DLGAP4: variants seen among roughly 807,000 people sequenced by gnomAD.
The protein encoded by DLGAP4 is disks large-associated protein 4.
In DLGAP4, 18 loss-of-function variants were observed where a neutral mutation model predicts 86.9. The observed-to-expected ratio is 0.21, with a 90% confidence interval of 0.14 to 0.31. The LOEUF (loss-of-function observed/expected upper bound fraction) is 0.31, where lower values mean the gene tolerates loss of function less well. DLGAP4 is among the 10% of genes least tolerant of loss of function. The pLI is 1.00. For missense variants in DLGAP4, 1,085 were observed against 1,362.6 expected (o/e 0.80, Z 3.21); for synonymous variants, 548 against 574.3 (o/e 0.95, Z 0.65).
chr20:36,464,578 G>A lies in DLGAP4; in HGVS notation c.1648+17641G>A, dbSNP rs886589870. Among the ~76,000 whole-genome samples, 19 of 151,784 alleles carry A rather than the reference G, an allele frequency of 1.3e-4. No individual in the cohort carries two copies. In the East Asian group the frequency reaches 2.7e-3, roughly 22 times the overall value. ...AAATGAGACCCTGTCGACCGGGCGC[G>A]CTGGCTCACGCCTGTAATCCCAACA... On this transcript the variant is annotated intron_variant, in intron 7 of 12. Transcript: ENST00000339266.
At chr20:36,420,844 A>G (rs572662305) in intron 2 of DLGAP4, among the ~76,000 whole-genome samples, 4 of 152,254 alleles carry the variant, frequency 2.6e-5, no homozygotes, top group African/African-American at 9.6e-5. Flanking sequence ...GTGGTGGCGC[A>G]TGCCTGTAAT....
intron 10 of DLGAP4, chr20:36,508,022 G>A (rs1885735450): frequency 6.6e-6 from 1 of 152,298 alleles, no homozygotes; most frequent in Non-Finnish European, 1.5e-5. Context: ...AGTGTGTGTT[G>A]AACCCTGAGG....
In DLGAP4 at chr20:36,431,024, G is replaced by A. The variant is rs2033115287; in HGVS notation, c.-72-622G>A. On this transcript the variant is annotated intron_variant, in intron 2 of 12. Coordinates refer to ENST00000339266, the MANE Select transcript of DLGAP4 (RefSeq NM_001365621.2). This position sits in a 1 kb window ranked among gnomAD's most constrained non-coding sequence, Gnocchi z 5.1. Reference sequence around the variant, plus strand: ...CATGTTTTTCCCCATAAGGCAAGGAGAGTTCAGGAGCCCTGGGGACATGCC... The same window carrying A: ...CATGTTTTTCCCCATAAGGCAAGGAAAGTTCAGGAGCCCTGGGGACATGCC... 6.6e-6 allele frequency among the ~76,000 whole-genome samples: 1 copy of A among 151,342 alleles called. No homozygotes were observed. The highest frequency in any genetic ancestry group is 6.6e-5 in the Admixed American group (1 of 15,222).
intron 7 of DLGAP4, chr20:36,493,214 C>G (rs551116553): frequency 4.6e-5 from 7 of 152,366 alleles, no homozygotes; most frequent in Admixed American, 2.6e-4. Flanking sequence ...GACCTGAACT[C>G]AGGCTAGTCT....
Position 36,526,989 on chromosome 20 carries a change from C to T in DLGAP4, c.2937C>T (p.Asp979=). Reference sequence around the variant, plus strand: ...AGAACTCAGCCACCGAGAGCGCAGACAGCATCGAGATTTATGTCCCGGAGG... The same window carrying T: ...AGAACTCAGCCACCGAGAGCGCAGATAGCATCGAGATTTATGTCCCGGAGG... ...VRQNSATESA[D]SIEIYVPEAQ... is the part of the protein sequence containing the mutation. The change falls in exon 13 of 13, where the codon GAC becomes GAT. Residue 979 remains aspartate, a synonymous_variant. Transcript: ENST00000339266. The T allele has an allele frequency of 6.2e-7, 1 of 1,612,142 alleles. No individual in the cohort carries two copies. Among genetic ancestry groups the T allele is most frequent in the East Asian group, 2.2e-5 (1 of 44,824 alleles).
intron 7 of DLGAP4, among the ~76,000 whole-genome samples, chr20:36,473,660 C>T (rs1359103517): frequency 6.6e-6 from 1 of 152,180 alleles, no homozygotes; most frequent in Non-Finnish European, 1.5e-5. Flanking sequence ...ATGCTACCCA[C>T]GTTGGTCTCA....
intron 1 of DLGAP4, among the ~76,000 whole-genome samples, chr20:36,307,154 T>C (rs1235932982): frequency 6.6e-6 from 1 of 152,064 alleles, no homozygotes; most frequent in Non-Finnish European, 1.5e-5. Context: ...CCTGTTTGCG[T>C]CCCTGGGAGG....
intron 2 of DLGAP4, among the ~76,000 whole-genome samples, chr20:36,379,181 G>C (rs1356685066): frequency 6.6e-6 from 1 of 152,174 alleles, no homozygotes; most frequent in Non-Finnish European, 1.5e-5. Context: ...CCCTGCAAAT[G>C]CTGGATGGGT....
chr20:36,432,087 T>C lies in DLGAP4; in HGVS notation c.370T>C (p.Phe124Leu). ...CCGTGATGGCTTCAGCACCCTCCAATTTCCCCGTGGCGAGGCCAAGGCCCG... is the reference window on the plus strand; with the variant it reads ...CCGTGATGGCTTCAGCACCCTCCAACTTCCCCGTGGCGAGGCCAAGGCCCG... ...IHRDGFSTLQ[F>L]PRGEAKARGE... The change falls in exon 3 of 13, where the codon TTT becomes CTT. Residue 124 changes from phenylalanine (F) to leucine (L), a missense_variant. Physicochemically the swap from Phe to Leu is conservative, Grantham distance 22 (BLOSUM62 0). Around this residue, in one of 2 missense-constraint regions of DLGAP4, gnomAD observed 1,082 missense variants for 1,344.1 expected, o/e 0.81. Coordinates refer to ENST00000339266, the MANE Select transcript of DLGAP4 (RefSeq NM_001365621.2). This position sits in a 1 kb window ranked among gnomAD's most constrained non-coding sequence, Gnocchi z 6.5. 1 of 1,614,136 alleles carries C rather than the reference T, an allele frequency of 6.2e-7. No homozygotes were observed. The highest frequency in any genetic ancestry group is 8.5e-7 in the Non-Finnish European group (1 of 1,180,038).
At chr20:36,389,799 T>C (rs555270176) in intron 2 of DLGAP4, among the ~76,000 whole-genome samples, 1 of 152,344 alleles carries the variant, frequency 6.6e-6, no homozygotes, top group East Asian at 1.9e-4. Context: ...TGATTCACTG[T>C]GCCCTTGAAA....
intron 2 of DLGAP4, among the ~76,000 whole-genome samples, chr20:36,417,271 G>T (rs899203497): frequency 2.0e-5 from 3 of 152,208 alleles, no homozygotes; most frequent in Admixed American, 6.5e-5. Context: ...ATGGGCAAAG[G>T]CCCCATGGCA....
rs148658531 is a variant in DLGAP4, at chr20:36,380,398, C to T, written c.-73+13123C>T. The stretch of plus-strand genomic sequence containing the variant: ...GCATCCAGCCTGGGTGACAGTGAGA[C>T]CCTGTCTCAAAAAAAGTAAAAATAA... On this transcript the variant is annotated intron_variant, in intron 2 of 12. Coordinates refer to ENST00000339266, the MANE Select transcript of DLGAP4 (RefSeq NM_001365621.2). Among the ~76,000 whole-genome samples, 114 of 151,830 alleles carry T rather than the reference C, an allele frequency of 7.5e-4. 2 individuals are homozygous for T. In the East Asian group the frequency reaches 0.021, roughly 29 times the overall value.
At chr20:36,372,328 G>A (rs2030975475) in intron 2 of DLGAP4, among the ~76,000 whole-genome samples, 1 of 152,130 alleles carries the variant, frequency 6.6e-6, no homozygotes, top group Non-Finnish European at 1.5e-5. Flanking sequence ...GACCCAGGTA[G>A]GAGACAAGGC....
rs553441639 is a variant in DLGAP4 at position 36,395,741 on chromosome 20, C to T, written c.-73+28466C>T. Among the ~76,000 whole-genome samples, 26 of 152,244 alleles carry T rather than the reference C, an allele frequency of 1.7e-4. 1 individual carries two copies. Among genetic ancestry groups the T allele is most frequent in the South Asian group, 6.2e-4 (3 of 4,828 alleles). On this transcript the variant is annotated intron_variant, in intron 2 of 12. Transcript: ENST00000339266. Reference sequence around the variant, plus strand: ...CTCAAACTCCTGACCTCAGGTGATCCGCCCGCCTCGGCCTCCCAAAGTCCC... The same window carrying T: ...CTCAAACTCCTGACCTCAGGTGATCTGCCCGCCTCGGCCTCCCAAAGTCCC...
At chr20:36,505,927 A>G (rs1047912837) in intron 10 of DLGAP4, among the ~76,000 whole-genome samples, 3 of 152,202 alleles carry the variant, frequency 2.0e-5, no homozygotes, top group Non-Finnish European at 4.4e-5. Flanking sequence ...CTGCTGTCTC[A>G]GGGGTGGCAG....
chr20:36,472,125 C>CT (rs2034693596), intron 7 of DLGAP4, among the ~76,000 whole-genome samples: 1 of 152,130 alleles, frequency 6.6e-6, no homozygotes, highest in Non-Finnish European at 1.5e-5. Flanking sequence ...TTTGCAGCTC[C>CT]TTTTTTAGCT....
At chr20:36,357,088 C>T (rs527819765) in intron 1 of DLGAP4, among the ~76,000 whole-genome samples, 2 of 152,270 alleles carry the variant, frequency 1.3e-5, no homozygotes, top group Admixed American at 6.5e-5. Flanking sequence ...ACGAAGCCTC[C>T]ATTGCTCCCA....
chr20:36,437,429 T>C (rs1232808306), intron 4 of DLGAP4, among the ~76,000 whole-genome samples: 2 of 152,160 alleles, frequency 1.3e-5, no homozygotes, highest in African/African-American at 4.8e-5. Context: ...GAACCTGCCC[T>C]GAGTGAGTGC....
rs568587120 is a variant in DLGAP4, at chr20:36,527,634, CCTCACGCGCACACA to C, written c.*605_*618del. On this transcript the variant is annotated 3_prime_UTR_variant, in exon 13 of 13. Transcript: ENST00000339266. Reference sequence around the variant, plus strand: ...CCCCCCGCCAAGTGCTCACACACAACCTCACGCGCACACACACACACGCAGATGGAGGCGCCTCA... The same window carrying C: ...CCCCCCGCCAAGTGCTCACACACAACCACACACGCAGATGGAGGCGCCTCA... 2,370 of 153,242 alleles carry C rather than the reference CCTCACGCGCACACA, an allele frequency of 0.015. 24 individuals carry two copies. Among genetic ancestry groups the C allele is most frequent in the Middle Eastern group, 0.033 (10 of 300 alleles). The allele number at this position is 153,242 out of a possible 1,614,324, so 9.5% of individuals were successfully genotyped here.
Sources: allele counts gnomAD v4.1 joint callset (sites outside exome capture counted in the v4.1 genomes callset), GRCh38; gene constraint gnomAD v4.1.1; regional missense constraint gnomAD v4.1.1; non-coding constraint Gnocchi (gnomAD v3.1); transcripts MANE v1.5; gene names NCBI Gene and HGNC (gene_info 2026-07-23, HGNC 2026-07-21).